The following RPTOR variants were observed in gnomAD, a reference collection of about 807,000 sequenced individuals.
RPTOR encodes the protein regulatory-associated protein of mTOR.
Under a neutral mutation model 169.9 loss-of-function variants are expected in RPTOR, and 21 were observed. The observed-to-expected ratio is 0.12, with a 90% CI of 0.09 to 0.18. The LOEUF is 0.18. Among genes scored for constraint, RPTOR ranks in the 10% least tolerant of loss-of-function variants. The probability of loss-of-function intolerance (pLI) is 1.00; values close to 1 mark genes in which losing one functional copy is unlikely to be tolerated. For missense variants in RPTOR, 1,133 were observed against 1,855.9 expected (o/e 0.61, Z 7.16); for synonymous variants, 732 against 753.2 (o/e 0.97, Z 0.46).
chr17:80,747,717 A>G (rs574761970), intron 5 of RPTOR, among the ~76,000 whole-genome samples: 163 of 152,284 alleles, frequency 1.1e-3, no homozygotes, highest in Non-Finnish European at 2.0e-3. Context: ...TTGTCTCTCC[A>G]CCGGACAAGA....
chr17:80,701,727 C>T (rs933319756), intron 3 of RPTOR, among the ~76,000 whole-genome samples: 5 of 152,160 alleles, frequency 3.3e-5, no homozygotes, highest in Non-Finnish European at 4.4e-5. Flanking sequence ...AGGATGGCAG[C>T]GATATCACTT....
chr17:80,859,608 C>T (rs938934233), intron 13 of RPTOR, among the ~76,000 whole-genome samples: 7 of 152,194 alleles, frequency 4.6e-5, no homozygotes, highest in Admixed American at 2.6e-4. Flanking sequence ...CAGGGCAAGG[C>T]TGGCTTTGCT....
At chr17:80,625,641 A>G (rs750100806) in intron 1 of RPTOR, 50 bp from the exon 2 acceptor site, 5 of 1,375,164 alleles carry the variant, frequency 3.6e-6, no homozygotes, top group Non-Finnish European at 5.2e-6. Flanking sequence ...AAACACATAA[A>G]CGAGTTCCAT....
intron 10 of RPTOR, among the ~76,000 whole-genome samples, chr17:80,842,315 C>A (rs1232422371): frequency 6.7e-6 from 1 of 150,018 alleles, no homozygotes; most frequent in Non-Finnish European, 1.5e-5. Flanking sequence ...ACTGAAATAT[C>A]ATTTGTCTTG....
In RPTOR at chr17:80,730,479, CT is replaced by C. The variant is rs2143203429; in HGVS notation, c.508-77del. 1 of 1,505,818 alleles carries C rather than the reference CT, an allele frequency of 6.6e-7. No individual in the cohort carries two copies. Among genetic ancestry groups the C allele is most frequent in the Non-Finnish European group, 9.2e-7 (1 of 1,091,826 alleles). 93.3% of individuals were successfully genotyped at this position (1,505,818 alleles called of 1,614,324 possible). On this transcript the variant is annotated intron_variant, in intron 4 of 33. Coordinates refer to ENST00000306801, the MANE Select transcript of RPTOR (RefSeq NM_020761.3). The surrounding 1 kb of genome is among the most constrained non-coding windows in gnomAD (Gnocchi z 4.2). ...CAGCCACCAGGCTCAATGTGTGTGC[CT>C]TTTGTAACGGTGCAGTACTCACCAG...
Position 80,730,758 on chromosome 17 carries a change from T to TTTTGCGGG in RPTOR, c.654+52_654+53insTTTGCGGG. 1 of 467,258 alleles carries TTTTGCGGG rather than the reference T, an allele frequency of 2.1e-6. No individual in the cohort carries two copies. The highest frequency in any genetic ancestry group is 3.9e-6 in the Non-Finnish European group (1 of 254,706). 28.9% of individuals were successfully genotyped at this position (467,258 alleles called of 1,614,324 possible). ...GTGCTGGGTTTGGTTTTGTTTTCCC[T>TTTTGCGGG]GGGGGTGGGGTTTGGGTGGGGAGGT... On this transcript the variant is annotated intron_variant, in intron 5 of 33. Coordinates refer to ENST00000306801, the MANE Select transcript of RPTOR (RefSeq NM_020761.3). This position sits in a 1 kb window ranked among gnomAD's most constrained non-coding sequence, Gnocchi z 4.2.
At chr17:80,880,287 G>T in intron 13 of RPTOR, 128 bp from the exon 14 acceptor site, 1 of 776,076 alleles carries the variant, frequency 1.3e-6, no homozygotes. Flanking sequence ...AATGAAAACT[G>T]GGCTTGAAAG....
rs1012015102 is a variant in RPTOR, at chr17:80,964,744, C to T, written c.*414C>T. The T allele has an allele frequency of 1.8e-5, 5 of 274,240 alleles. No homozygotes were observed. The highest frequency in any genetic ancestry group is 8.6e-5 in the African/African-American group (4 of 46,700). The allele number at this position is 274,240 out of a possible 1,614,324, so 17.0% of individuals were successfully genotyped here. A position where few individuals can be genotyped will look rare whatever the true frequency, so the allele number is the denominator to read the frequency against. ...GCAGGCGCTGGGGCTCCTACGGGTC[C>T]CTGGGGCAGCTGTCCCCATCAGGCC... On this transcript the variant is annotated 3_prime_UTR_variant, in exon 34 of 34. Coordinates refer to ENST00000306801, the MANE Select transcript of RPTOR (RefSeq NM_020761.3).
At chr17:80,772,661 C>G in intron 6 of RPTOR, among the ~76,000 whole-genome samples, 1 of 151,702 alleles carries the variant, frequency 6.6e-6, no homozygotes, top group Non-Finnish European at 1.5e-5. Flanking sequence ...TGGCTTGGAC[C>G]TTGTTTCATT....
intron 10 of RPTOR, among the ~76,000 whole-genome samples, chr17:80,843,712 G>A (rs1232549259): frequency 6.6e-6 from 1 of 152,178 alleles, no homozygotes; most frequent in Non-Finnish European, 1.5e-5. Flanking sequence ...CCATTGTCAG[G>A]ACGGAGAGTA....
intron 13 of RPTOR, among the ~76,000 whole-genome samples, chr17:80,870,401 T>C (rs113333415): frequency 0.022 from 3,298 of 152,340 alleles, 124 homozygotes; most frequent in African/African-American, 0.075. Context: ...CTCCTACCCG[T>C]GCTCAAATTC....
intron 1 of RPTOR, among the ~76,000 whole-genome samples, chr17:80,554,060 G>A (rs960720325): frequency 2.6e-5 from 4 of 151,606 alleles, no homozygotes; most frequent in East Asian, 3.9e-4. Flanking sequence ...TGTTGTGTGC[G>A]TGTGTGTATA....
chr17:80,802,911 C>G (rs1247914862), intron 7 of RPTOR: 1 of 152,398 alleles, frequency 6.6e-6, no homozygotes, highest in Non-Finnish European at 1.5e-5. Context: ...GATGCCTCTT[C>G]TCTAGACGCA....
At chr17:80,759,120 C>T (rs899337583) in intron 6 of RPTOR, among the ~76,000 whole-genome samples, 1 of 151,716 alleles carries the variant, frequency 6.6e-6, no homozygotes, top group East Asian at 1.9e-4. Flanking sequence ...CTTGGAAGGC[C>T]GAGGCAGGAG....
At chr17:80,578,628 T>A (rs535702127) in intron 1 of RPTOR, among the ~76,000 whole-genome samples, 1 of 152,152 alleles carries the variant, frequency 6.6e-6, no homozygotes, top group Non-Finnish European at 1.5e-5. Flanking sequence ...TTTACAGGCT[T>A]TCGAGGGGCT....
intron 25 of RPTOR, among the ~76,000 whole-genome samples, chr17:80,944,295 C>T (rs1329857829): frequency 6.6e-6 from 1 of 152,208 alleles, no homozygotes; most frequent in Non-Finnish European, 1.5e-5. Context: ...TCCTGGCGAC[C>T]ACACCCATGT....
At chr17:80,875,288 C>G (rs919197947) in intron 13 of RPTOR, among the ~76,000 whole-genome samples, 10 of 152,196 alleles carry the variant, frequency 6.6e-5, no homozygotes, top group African/African-American at 2.2e-4. Context: ...GCCCCATTGT[C>G]GTGTCTGCTT....
chr17:80,570,231 G>A (rs1447385602), intron 1 of RPTOR, among the ~76,000 whole-genome samples: 4 of 152,074 alleles, frequency 2.6e-5, no homozygotes, highest in African/African-American at 4.8e-5. Flanking sequence ...TGTATGACTC[G>A]TTGTTCAATG....
intron 3 of RPTOR, among the ~76,000 whole-genome samples, chr17:80,693,711 T>C (rs140050580): frequency 0.017 from 2,591 of 152,296 alleles, 30 homozygotes; most frequent in Non-Finnish European, 0.022. Flanking sequence ...CTGGGTGCTG[T>C]AGGGTCAGCC....
Sources: allele counts gnomAD v4.1 joint callset (sites outside exome capture counted in the v4.1 genomes callset), GRCh38; gene constraint gnomAD v4.1.1; non-coding constraint Gnocchi (gnomAD v3.1); transcripts MANE v1.5; gene names NCBI Gene and HGNC (gene_info 2026-07-23, HGNC 2026-07-21).